RBFOX1: variants seen among roughly 807,000 people sequenced by gnomAD.
RBFOX1 encodes RNA binding protein fox-1 homolog 1.
RBFOX1 carries 8 observed loss-of-function variants against 57.7 expected under a neutral mutation model. The ratio of observed to expected loss-of-function variants is 0.14; its 90% CI spans 0.08 to 0.25. RBFOX1 has a LOEUF of 0.25. Among genes scored for constraint, RBFOX1 ranks in the 10% least tolerant of loss-of-function variants. The pLI, the probability that RBFOX1 is intolerant of heterozygous loss-of-function variation, is 1.00. For synonymous variants in RBFOX1, 326 were observed against 222.4 expected, an observed-to-expected ratio of 1.47 and a Z score of -4.15; for missense variants, 611 against 548.5, an observed-to-expected ratio of 1.11 and a Z score of -1.14.
intron 12 of RBFOX1, among the ~76,000 whole-genome samples, chr16:7,663,169 G>T (rs1016757608): frequency 6.6e-6 from 1 of 152,272 alleles, no homozygotes; most frequent in Non-Finnish European, 1.5e-5. Flanking sequence ...GCAGAGGGTG[G>T]CTCTGCCTTC....
At chr16:5,524,262 A>G (rs192587802) in intron 2 of RBFOX1, among the ~76,000 whole-genome samples, 1 of 152,192 alleles carries the variant, frequency 6.6e-6, no homozygotes, top group East Asian at 1.9e-4. Flanking sequence ...GTGTGGACAT[A>G]TTTCCGTGCT....
At chr16:5,504,590 G>A (rs902650420) in intron 2 of RBFOX1, among the ~76,000 whole-genome samples, 4 of 152,230 alleles carry the variant, frequency 2.6e-5, no homozygotes, top group Non-Finnish European at 5.9e-5. Flanking sequence ...ATCATCAAAG[G>A]GGAGGGCCCG....
chr16:5,935,326 C>T (rs1177826649), intron 4 of RBFOX1, among the ~76,000 whole-genome samples: 1 of 152,172 alleles, frequency 6.6e-6, no homozygotes, highest in Non-Finnish European at 1.5e-5. Flanking sequence ...CACATGGGGA[C>T]ACACGAGGAT....
chr16:6,491,709 A>G (rs1017122248), intron 2 of RBFOX1, among the ~76,000 whole-genome samples: 3 of 152,200 alleles, frequency 2.0e-5, no homozygotes, highest in Admixed American at 2.0e-4. Context: ...CCCAGGGTTC[A>G]TGAGGGAAGG....
intron 4 of RBFOX1, among the ~76,000 whole-genome samples, chr16:5,957,683 T>C (rs916224496): frequency 2.6e-5 from 4 of 152,194 alleles, no homozygotes; most frequent in African/African-American, 9.7e-5. Context: ...TTTGGAATTT[T>C]GTGGGTACAC....
chr16:7,706,786 C>T (rs2082592057), intron 14 of RBFOX1, among the ~76,000 whole-genome samples: 1 of 152,146 alleles, frequency 6.6e-6, no homozygotes, highest in Non-Finnish European at 1.5e-5. Context: ...ACTTCATTCC[C>T]TCATGAAATA....
At chr16:7,583,565 A>G (rs2093934401) in intron 6 of RBFOX1, among the ~76,000 whole-genome samples, 1 of 152,230 alleles carries the variant, frequency 6.6e-6, no homozygotes, top group Admixed American at 6.5e-5. Flanking sequence ...GCTACAACAG[A>G]TGGATGGATG....
At chr16:7,505,211 C>A (rs7499225) in intron 4 of RBFOX1, among the ~76,000 whole-genome samples, 2 of 149,092 alleles carry the variant, frequency 1.3e-5, no homozygotes, top group South Asian at 4.3e-4. Flanking sequence ...CTCAGACACT[C>A]TTTGAGATGA....
intron 1 of RBFOX1, among the ~76,000 whole-genome samples, chr16:6,070,289 A>C (rs946941034): frequency 9.2e-5 from 14 of 152,194 alleles, no homozygotes; most frequent in Admixed American, 5.2e-4. Context: ...ATTTCAGGGA[A>C]GACGTCATGG....
At chr16:6,779,779 A>T (rs1490076670) in intron 3 of RBFOX1, among the ~76,000 whole-genome samples, 2 of 15,806 alleles carry the variant, frequency 1.3e-4, no homozygotes, top group Non-Finnish European at 1.7e-4. Flanking sequence ...ATATATTTAT[A>T]TATATTTTTA....
At chr16:6,162,336 A>G (rs985562619) in intron 1 of RBFOX1, among the ~76,000 whole-genome samples, 1 of 152,104 alleles carries the variant, frequency 6.6e-6, no homozygotes, top group African/African-American at 2.4e-5. Context: ...GCCAGTCTCA[A>G]ACTCCTGGCC....
intron 4 of RBFOX1, among the ~76,000 whole-genome samples, chr16:7,253,144 C>T (rs139259964): frequency 1.4e-4 from 21 of 152,240 alleles, no homozygotes; most frequent in African/African-American, 3.6e-4. Flanking sequence ...TTGATGGCTC[C>T]GCTGGATAAA....
At chr16:5,619,433 C>T (rs2048139264) in intron 3 of RBFOX1, among the ~76,000 whole-genome samples, 2 of 152,146 alleles carry the variant, frequency 1.3e-5, no homozygotes, top group Admixed American at 1.3e-4. Flanking sequence ...GCAAGGTAAG[C>T]TCTTGATTTT....
rs1285338285 is a variant in RBFOX1, at chr16:6,899,017, C to CT, written c.-15-153039dup. Among the ~76,000 whole-genome samples, 5 of 43,394 alleles carry CT rather than the reference C, an allele frequency of 1.2e-4. No individual in the cohort carries two copies. In the African/African-American group the frequency reaches 1.7e-3, roughly 15 times the overall value. 28.5% of individuals were successfully genotyped at this position (43,394 alleles called of 152,430 possible). A position where few individuals can be genotyped will look rare whatever the true frequency, so the allele number is the denominator to read the frequency against. On this transcript the variant is annotated intron_variant, in intron 3 of 15. Coordinates refer to ENST00000550418, the MANE Select transcript of RBFOX1 (RefSeq NM_018723.4). The stretch of plus-strand genomic sequence containing the variant: ...ATATAATGCGTGTATGCATGCGCGT[C>CT]TCTGTGTGTGTGTATAATGTGTGTA...
At chr16:7,359,107 G>A (rs1022608352) in intron 4 of RBFOX1, among the ~76,000 whole-genome samples, 2 of 152,120 alleles carry the variant, frequency 1.3e-5, no homozygotes, top group African/African-American at 4.8e-5. Flanking sequence ...GAAAACTGTG[G>A]GTGAGTTAAA....
chr16:5,432,738 T>C (rs530517219), intron 1 of RBFOX1, among the ~76,000 whole-genome samples: 1 of 152,226 alleles, frequency 6.6e-6, no homozygotes, highest in Admixed American at 6.5e-5. Context: ...CAGTTAGTGT[T>C]CTCCTGTCTT....
At chr16:7,709,338 A>AT (rs1230111719) in intron 15 of RBFOX1, among the ~76,000 whole-genome samples, 3 of 152,226 alleles carry the variant, frequency 2.0e-5, no homozygotes, top group African/African-American at 7.2e-5. Context: ...GTAAGTTATT[A>AT]TATTTCTAAT....
intron 1 of RBFOX1, among the ~76,000 whole-genome samples, chr16:5,308,621 GTT>G (rs1408591468): frequency 2.6e-5 from 4 of 151,894 alleles, no homozygotes; most frequent in Non-Finnish European, 4.4e-5. Context: ...AATAAATAGA[GTT>G]ATATTATTTT....
At chr16:7,271,106 G>T (rs1258472902) in intron 4 of RBFOX1, among the ~76,000 whole-genome samples, 3 of 152,116 alleles carry the variant, frequency 2.0e-5, no homozygotes, top group Non-Finnish European at 4.4e-5. Flanking sequence ...GTATCACATT[G>T]TGCACATTTT....
Sources: gnomAD v4.1 joint callset for allele counts (sites outside exome capture counted in the v4.1 genomes callset) on GRCh38, gnomAD v4.1.1 for gene constraint, MANE v1.5 for transcripts, NCBI Gene and HGNC (gene_info 2026-07-23, HGNC 2026-07-21) for gene names.